Variants in LRRC7 observed in about 807,000 individuals in gnomAD.
LRRC7 encodes the protein leucine-rich repeat-containing protein 7.
LRRC7 carries 23 observed loss-of-function variants against 175.7 expected under a neutral mutation model. The observed-to-expected ratio is 0.13, with a 90% CI of 0.09 to 0.19. The LOEUF (loss-of-function observed/expected upper bound fraction) is 0.19. Among genes scored for constraint, LRRC7 ranks in the 10% least tolerant of loss-of-function variants. The pLI, the probability that LRRC7 is intolerant of heterozygous loss-of-function variation, is 1.00. For missense variants in LRRC7, 1,354 were observed against 1,904.7 expected (o/e 0.71, Z 5.38); for synonymous variants, 685 against 680.9 (o/e 1.01, Z -0.09).
chr1:69,880,237 G>C (rs1686462309), intron 7 of LRRC7, among the ~76,000 whole-genome samples: 1 of 152,164 alleles, frequency 6.6e-6, no homozygotes, highest in African/African-American at 2.4e-5. Context: ...AAAGACAACA[G>C]TCACTGCAAG....
chr1:69,579,857 C>G (rs554739377), intron 1 of LRRC7, among the ~76,000 whole-genome samples: 51 of 139,886 alleles, frequency 3.6e-4, no homozygotes, highest in African/African-American at 1.1e-3. Context: ...TGGTCTCAAA[C>G]TCCTGGGCTG....
chr1:70,037,676 CAT>C (rs1382509493), intron 20 of LRRC7, among the ~76,000 whole-genome samples: 1 of 152,188 alleles, frequency 6.6e-6, no homozygotes, highest in African/African-American at 2.4e-5. Flanking sequence ...TATCAGGAAT[CAT>C]ATGATTCTAA....
chr1:69,620,262 T>C (rs1193617333), intron 1 of LRRC7, among the ~76,000 whole-genome samples: 6 of 53,162 alleles, frequency 1.1e-4, no homozygotes, highest in Non-Finnish European at 2.1e-4. Context: ...GATTGATAAC[T>C]ATTTACATTT....
intron 4 of LRRC7, among the ~76,000 whole-genome samples, chr1:69,813,754 T>G (rs2101156968): frequency 6.6e-6 from 1 of 152,146 alleles, no homozygotes; most frequent in African/African-American, 2.4e-5. Flanking sequence ...GAAGTGAACT[T>G]GTGGGTTCCC....
intron 7 of LRRC7, among the ~76,000 whole-genome samples, chr1:69,879,407 C>T (rs2101606489): frequency 6.6e-6 from 1 of 152,132 alleles, no homozygotes; most frequent in South Asian, 2.1e-4. Flanking sequence ...TCTCAGAAGA[C>T]AGCAGCAAAG....
intron 3 of LRRC7, among the ~76,000 whole-genome samples, chr1:69,791,390 T>A (rs1330817683): frequency 1.3e-5 from 2 of 152,022 alleles, no homozygotes; most frequent in Non-Finnish European, 2.9e-5. Flanking sequence ...CCAGTGAATA[T>A]AAGCATGCTG....
intron 7 of LRRC7, among the ~76,000 whole-genome samples, chr1:69,881,615 G>A (rs74767741): frequency 3.3e-5 from 5 of 151,874 alleles, no homozygotes; most frequent in Non-Finnish European, 5.9e-5. Context: ...ATGGTGACTC[G>A]CACCTATAAT....
chr1:69,924,008 G>C (rs1441651814), intron 7 of LRRC7, among the ~76,000 whole-genome samples: 2 of 152,162 alleles, frequency 1.3e-5, no homozygotes, highest in South Asian at 2.1e-4. Context: ...TCCAGTTTCA[G>C]CTTTCTACAT....
intron 26 of LRRC7, among the ~76,000 whole-genome samples, chr1:70,108,802 G>A (rs1319936996): frequency 6.6e-6 from 1 of 152,166 alleles, no homozygotes. Flanking sequence ...AGGAACCTTA[G>A]ATCAACTATA....
At chr1:69,650,086 A>T (rs1655579131) in intron 1 of LRRC7, among the ~76,000 whole-genome samples, 1 of 152,168 alleles carries the variant, frequency 6.6e-6, no homozygotes, top group South Asian at 2.1e-4. Context: ...AAACTCAAGG[A>T]CATAGCACAA....
At chr1:70,010,898 G>A (rs991993140) in intron 11 of LRRC7, among the ~76,000 whole-genome samples, 1 of 152,094 alleles carries the variant, frequency 6.6e-6, no homozygotes, top group Non-Finnish European at 1.5e-5. Context: ...AGTATGGACT[G>A]GTAGGGATTG....
At chr1:70,033,055 A>G (rs1368220500) in intron 18 of LRRC7, among the ~76,000 whole-genome samples, 3 of 152,238 alleles carry the variant, frequency 2.0e-5, no homozygotes, top group African/African-American at 7.2e-5. Context: ...AAGAATTTAT[A>G]GAAACAAAAT....
intron 2 of LRRC7, among the ~76,000 whole-genome samples, chr1:69,719,024 T>C (rs937972314): frequency 2.0e-5 from 3 of 151,830 alleles, no homozygotes; most frequent in Non-Finnish European, 4.4e-5. Flanking sequence ...ATGGGTAGTT[T>C]TATTTTTGTA....
At position 70,135,716 on chromosome 1, in the gene LRRC7, C is replaced by G. The variant is rs1666839935; in HGVS notation, c.*13829C>G. ...TTAGATAGTGAACAAGTCCCATTCT[C>G]TAAAAGTGATTTTTTCTCTAGGATA... On this transcript the variant is annotated 3_prime_UTR_variant, in exon 27 of 27. Coordinates refer to ENST00000651989, the MANE Select transcript of LRRC7 (RefSeq NM_001370785.2). Among the ~76,000 whole-genome samples, 1 of 152,306 alleles carries G rather than the reference C, an allele frequency of 6.6e-6. No individual in the cohort carries two copies. The highest frequency in any genetic ancestry group is 2.1e-4 in the South Asian group (1 of 4,826).
chr1:70,130,701 T>C lies in LRRC7; in HGVS notation c.*8814T>C, dbSNP rs1038946199. Among the ~76,000 whole-genome samples the C allele has an allele frequency of 6.6e-6, 1 of 152,210 alleles. No homozygotes were observed. Among genetic ancestry groups the C allele is most frequent in the Non-Finnish European group, 1.5e-5 (1 of 68,030 alleles). Reference sequence around the variant, plus strand: ...CACCATATCTATCCTTTTGATTTGATTGGGTTTCCTTTCTCTTTGAGAAGA... The same window carrying C: ...CACCATATCTATCCTTTTGATTTGACTGGGTTTCCTTTCTCTTTGAGAAGA... On this transcript the variant is annotated 3_prime_UTR_variant, in exon 27 of 27. Transcript: ENST00000651989.
intron 1 of LRRC7, among the ~76,000 whole-genome samples, chr1:69,647,015 G>GA (rs951492749): frequency 1.6e-4 from 24 of 150,386 alleles, no homozygotes; most frequent in Non-Finnish European, 3.1e-4. Flanking sequence ...ATCTTGGAAA[G>GA]AAAAAAAAAT....
intron 7 of LRRC7, among the ~76,000 whole-genome samples, chr1:69,885,772 C>T (rs1344752414): frequency 7.1e-6 from 1 of 141,020 alleles, no homozygotes; most frequent in Non-Finnish European, 1.5e-5. Context: ...AAATTTCCCT[C>T]TACACACTGC....
intron 7 of LRRC7, among the ~76,000 whole-genome samples, chr1:69,872,605 A>C (rs554085077): frequency 6.6e-6 from 1 of 152,084 alleles, no homozygotes; most frequent in African/African-American, 2.4e-5. Flanking sequence ...GTTCTCATAT[A>C]TACATTTATC....
chr1:69,823,253 A>G lies in LRRC7; in HGVS notation c.422-2495A>G, dbSNP rs980923072. 2.6e-5 allele frequency among the ~76,000 whole-genome samples: 4 copies of G among 152,174 alleles called. No individual in the cohort carries two copies. The South Asian group carries it at 6.2e-4, about 24-fold the overall frequency. ...TTTCTATCTTTTGTGTTCTCAGTTTACTCTTCTTTGAACTTCCATTACTCA... is the reference window on the plus strand; with the variant it reads ...TTTCTATCTTTTGTGTTCTCAGTTTGCTCTTCTTTGAACTTCCATTACTCA... On this transcript the variant is annotated intron_variant, in intron 4 of 26. Coordinates refer to ENST00000651989, the MANE Select transcript of LRRC7 (RefSeq NM_001370785.2).
Sources: allele counts gnomAD v4.1 joint callset (sites outside exome capture counted in the v4.1 genomes callset), GRCh38; gene constraint gnomAD v4.1.1; transcripts MANE v1.5; gene names NCBI Gene and HGNC (gene_info 2026-07-23, HGNC 2026-07-21).